The following LRMDA variants were observed in gnomAD, a reference collection of about 807,000 sequenced individuals.
LRMDA encodes the protein leucine-rich melanocyte differentiation-associated protein.
In LRMDA, 18 loss-of-function variants were observed where a neutral mutation model predicts 29.8. The ratio of observed to expected loss-of-function variants is 0.60; its 90% confidence interval spans 0.42 to 0.90. The LOEUF is 0.90. Ranked by LOEUF, LRMDA falls within the 40% of genes least tolerant of loss-of-function variation. The pLI is 0.00. For missense variants in LRMDA, 273 were observed against 273.9 expected, an observed-to-expected ratio of 1.00 and a Z score of 0.02; for synonymous variants, 125 against 109.4, an observed-to-expected ratio of 1.14 and a Z score of -0.89.
At chr10:75,712,735 C>A (rs1352202785) in intron 2 of LRMDA, among the ~76,000 whole-genome samples, 5 of 152,174 alleles carry the variant, frequency 3.3e-5, no homozygotes, top group Non-Finnish European at 7.3e-5. Context: ...TTCCTACCAG[C>A]CGTGGCAGAG....
chr10:75,490,643 C>T (rs914219992), intron 2 of LRMDA, among the ~76,000 whole-genome samples: 1 of 152,136 alleles, frequency 6.6e-6, no homozygotes, highest in African/African-American at 2.4e-5. Context: ...TCCAGAGAGG[C>T]ATTGATTATC....
intron 2 of LRMDA, among the ~76,000 whole-genome samples, chr10:75,723,377 C>A (rs917038200): frequency 2.0e-5 from 3 of 152,214 alleles, no homozygotes; most frequent in Non-Finnish European, 2.9e-5. Context: ...GGTAACAGAG[C>A]AGAATGTGGG....
At chr10:75,765,119 T>C (rs1343906995) in intron 2 of LRMDA, among the ~76,000 whole-genome samples, 2 of 152,230 alleles carry the variant, frequency 1.3e-5, no homozygotes, top group Non-Finnish European at 2.9e-5. Context: ...TTTTCAGTTG[T>C]CACTCATCTA....
intron 6 of LRMDA, among the ~76,000 whole-genome samples, chr10:76,442,297 A>G (rs890977744): frequency 6.6e-6 from 1 of 152,206 alleles, no homozygotes; most frequent in African/African-American, 2.4e-5. Context: ...GATTGATGGA[A>G]CACTTATCAT....
chr10:76,010,554 T>C lies in LRMDA; in HGVS notation c.132-25454T>C, dbSNP rs143095970. 5.0e-3 allele frequency among the ~76,000 whole-genome samples: 769 copies of C among 152,308 alleles called. 35 individuals are homozygous for C. In the East Asian group the frequency reaches 0.11, roughly 22 times the overall value. ...GTCTCGATCTCCTGACCTCGTGATC[T>C]GCCCACCTTGGCCTCCCAAAGTGCT... On this transcript the variant is annotated intron_variant, in intron 2 of 6. Coordinates refer to ENST00000611255, the MANE Select transcript of LRMDA (RefSeq NM_001305581.2).
At chr10:75,439,058 A>G (rs1176333633) in intron 2 of LRMDA, among the ~76,000 whole-genome samples, 1 of 152,178 alleles carries the variant, frequency 6.6e-6, no homozygotes, top group Non-Finnish European at 1.5e-5. Context: ...GGTGGGAGGA[A>G]AACTCTCTGA....
intron 5 of LRMDA, among the ~76,000 whole-genome samples, chr10:76,123,843 G>A (rs934655869): frequency 2.0e-5 from 3 of 152,158 alleles, no homozygotes; most frequent in African/African-American, 7.2e-5. Context: ...CTCAAACTCT[G>A]TGCCATGTTA....
intron 5 of LRMDA, among the ~76,000 whole-genome samples, chr10:76,292,427 G>A (rs538324680): frequency 6.6e-6 from 1 of 152,168 alleles, no homozygotes; most frequent in South Asian, 2.1e-4. Context: ...ACCCCACCAT[G>A]TTGCTTCCAG....
intron 2 of LRMDA, among the ~76,000 whole-genome samples, chr10:76,026,184 A>G (rs1848060109): frequency 6.6e-6 from 1 of 152,268 alleles, no homozygotes; most frequent in African/African-American, 2.4e-5. Context: ...TCATTATATT[A>G]ATAATTGAGG....
chr10:75,766,594 G>T (rs1843171875), intron 2 of LRMDA, among the ~76,000 whole-genome samples: 1 of 151,196 alleles, frequency 6.6e-6, no homozygotes, highest in South Asian at 2.1e-4. Context: ...TTTTAGATTT[G>T]CTAAAATATT....
chr10:76,216,096 T>C (rs1205527245), intron 5 of LRMDA, among the ~76,000 whole-genome samples: 1 of 152,162 alleles, frequency 6.6e-6, no homozygotes, highest in Non-Finnish European at 1.5e-5. Flanking sequence ...GCTCATGCCT[T>C]TTATCCCAAC....
chr10:76,264,419 A>C (rs927014385), intron 5 of LRMDA, among the ~76,000 whole-genome samples: 1 of 10,154 alleles, frequency 9.8e-5, no homozygotes, highest in Non-Finnish European at 2.0e-4. Context: ...AAAAAAAAAA[A>C]AAAAAAAAAA....
chr10:76,299,791 A>C (rs1198936042), intron 5 of LRMDA, among the ~76,000 whole-genome samples: 2 of 152,130 alleles, frequency 1.3e-5, no homozygotes, highest in Non-Finnish European at 2.9e-5. Context: ...GGTTGTAGGA[A>C]TGAATGAGTT....
intron 5 of LRMDA, among the ~76,000 whole-genome samples, chr10:76,162,055 T>G (rs1434490017): frequency 6.6e-6 from 1 of 152,230 alleles, no homozygotes; most frequent in South Asian, 2.1e-4. Flanking sequence ...GACTATTACA[T>G]GTGTTTTTTC....
chr10:75,668,004 T>C (rs1841844389), intron 2 of LRMDA, among the ~76,000 whole-genome samples: 1 of 152,222 alleles, frequency 6.6e-6, no homozygotes, highest in South Asian at 2.1e-4. Context: ...TCCATTCCTT[T>C]GGTTAATTCC....
intron 2 of LRMDA, among the ~76,000 whole-genome samples, chr10:76,011,295 A>G (rs1847773555): frequency 6.6e-6 from 1 of 152,210 alleles, no homozygotes; most frequent in Admixed American, 6.5e-5. Flanking sequence ...CCAGTCAGGA[A>G]AGGGGTCTGC....
intron 2 of LRMDA, among the ~76,000 whole-genome samples, chr10:75,624,512 T>C (rs1841227146): frequency 6.6e-6 from 1 of 152,190 alleles, no homozygotes; most frequent in South Asian, 2.1e-4. Flanking sequence ...TACATTATAT[T>C]AATAATTTTA....
At chr10:76,281,955 C>T (rs1413417765) in intron 5 of LRMDA, among the ~76,000 whole-genome samples, 2 of 152,130 alleles carry the variant, frequency 1.3e-5, no homozygotes, top group Non-Finnish European at 2.9e-5. Flanking sequence ...TGTAGCCCTG[C>T]CTGAAAATGT....
chr10:75,676,680 C>G (rs1589154487), intron 2 of LRMDA, among the ~76,000 whole-genome samples: 1 of 152,208 alleles, frequency 6.6e-6, no homozygotes, highest in East Asian at 1.9e-4. Flanking sequence ...GCCACCCACT[C>G]TAGCTTCTTT....
Sources: allele counts gnomAD v4.1 joint callset (sites outside exome capture counted in the v4.1 genomes callset), GRCh38; gene constraint gnomAD v4.1.1; transcripts MANE v1.5; gene names NCBI Gene and HGNC (gene_info 2026-07-23, HGNC 2026-07-21).